Variants in TRIQK observed in about 807,000 individuals in gnomAD.
TRIQK encodes triple QxxK/R motif containing.
A neutral mutation model predicts 10.8 loss-of-function variants in TRIQK; 10 were observed. The observed-to-expected ratio is 0.92, with a 90% confidence interval of 0.57 to 1.57. The LOEUF (loss-of-function observed/expected upper bound fraction) is 1.57, where lower values mean the gene tolerates loss of function less well. TRIQK is among the 40% of genes most tolerant of loss of function. The pLI is 0.00. For synonymous variants in TRIQK, 33 were observed against 33.7 expected, an observed-to-expected ratio of 0.98 and a Z score of 0.07; for missense variants, 107 against 97.7, an observed-to-expected ratio of 1.09 and a Z score of -0.40.
intron 3 of TRIQK, among the ~76,000 whole-genome samples, chr8:92,896,807 T>A (rs1808623808): frequency 6.6e-6 from 1 of 151,880 alleles, no homozygotes; most frequent in African/African-American, 2.4e-5. Context: ...AACATTGCAT[T>A]TTCTTTTTCT....
chr8:92,981,126 A>G (rs1481321648), intron 1 of TRIQK, among the ~76,000 whole-genome samples: 1 of 151,602 alleles, frequency 6.6e-6, no homozygotes, highest in Non-Finnish European at 1.5e-5. Flanking sequence ...CATCTTCTTT[A>G]CTTGATAGTT....
chr8:92,969,036 A>C (rs1812847352), upstream of TRIQK, among the ~76,000 whole-genome samples: 1 of 152,198 alleles, frequency 6.6e-6, no homozygotes, highest in South Asian at 2.1e-4. Context: ...CAGTTTTCCC[A>C]ACACCATTTA....
chr8:92,953,270 TTCATTGA>T (rs1812000338), intron 2 of TRIQK: 1 of 152,044 alleles, frequency 6.6e-6, no homozygotes, highest in Non-Finnish European at 1.5e-5. Context: ...ATTTTCTGGA[TTCATTGA>T]TCATTCATAT....
chr8:92,960,319 T>C (rs1286824520), intron 1 of TRIQK, among the ~76,000 whole-genome samples: 1 of 152,142 alleles, frequency 6.6e-6, no homozygotes, highest in Non-Finnish European at 1.5e-5. Flanking sequence ...GATTTCCAAT[T>C]TTTTAACTAA....
intron 1 of TRIQK, among the ~76,000 whole-genome samples, chr8:92,996,297 A>G (rs889475356): frequency 6.6e-6 from 1 of 152,086 alleles, no homozygotes; most frequent in South Asian, 2.1e-4. Flanking sequence ...TGGTCTCTCA[A>G]TTGTACTTTT....
chr8:92,922,513 T>G (rs907024747), intron 2 of TRIQK: 3 of 151,850 alleles, frequency 2.0e-5, no homozygotes, highest in Non-Finnish European at 4.4e-5. Context: ...TGGTTACTCA[T>G]TATGCTTCCC....
chr8:92,981,135 T>G (rs1340025393), intron 1 of TRIQK, among the ~76,000 whole-genome samples: 1 of 151,792 alleles, frequency 6.6e-6, no homozygotes, highest in Non-Finnish European at 1.5e-5. Flanking sequence ...TACTTGATAG[T>G]TTTATAGGTT....
chr8:92,972,967 T>C (rs955957760), intron 1 of TRIQK: 1 of 152,236 alleles, frequency 6.6e-6, no homozygotes, highest in Non-Finnish European at 1.5e-5. Flanking sequence ...AGAAGAGATA[T>C]TCACAGTAAG....
At chr8:92,946,667 A>G (rs1207242994) in intron 2 of TRIQK, among the ~76,000 whole-genome samples, 3 of 151,848 alleles carry the variant, frequency 2.0e-5, no homozygotes, top group African/African-American at 4.8e-5. Context: ...ATTTTTTCAC[A>G]TTACTAGCCA....
At chr8:92,935,303 C>A (rs958998003) in intron 2 of TRIQK, among the ~76,000 whole-genome samples, 7 of 151,654 alleles carry the variant, frequency 4.6e-5, no homozygotes, top group Non-Finnish European at 8.9e-5. Flanking sequence ...TTGTGAACTA[C>A]AAATATTAAA....
At chr8:92,898,098 T>A (rs549499845) in intron 3 of TRIQK, among the ~76,000 whole-genome samples, 1 of 152,302 alleles carries the variant, frequency 6.6e-6, no homozygotes, top group African/African-American at 2.4e-5. Flanking sequence ...CCACTAGTAA[T>A]GATGCTTCAG....
chr8:93,011,510 C>T (rs1813334866), intron 1 of TRIQK, among the ~76,000 whole-genome samples: 1 of 152,086 alleles, frequency 6.6e-6, no homozygotes, highest in South Asian at 2.1e-4. Context: ...TTAGCTTACA[C>T]ACAACTTATT....
intron 2 of TRIQK, among the ~76,000 whole-genome samples, chr8:92,923,916 T>A (rs547646561): frequency 8.5e-4 from 129 of 151,932 alleles, no homozygotes; most frequent in African/African-American, 3.1e-3. Context: ...AGTAAAGAAA[T>A]AAGAAATCTG....
At chr8:92,912,877 T>G (rs2063631010) in intron 3 of TRIQK, among the ~76,000 whole-genome samples, 2 of 151,738 alleles carry the variant, frequency 1.3e-5, no homozygotes, top group Admixed American at 1.3e-4. Context: ...TGACTTCAAT[T>G]CTATGAAACA....
chr8:92,974,442 C>G (rs929817103), intron 1 of TRIQK: 2 of 152,302 alleles, frequency 1.3e-5, no homozygotes, highest in Non-Finnish European at 2.9e-5. Flanking sequence ...CAACACACAA[C>G]CACGATTTGT....
At chr8:92,955,315 T>C (rs1370642681) in intron 1 of TRIQK, among the ~76,000 whole-genome samples, 1 of 151,840 alleles carries the variant, frequency 6.6e-6, no homozygotes, top group African/African-American at 2.4e-5. Flanking sequence ...TTTTAAATAG[T>C]GTTAACAATA....
intron 2 of TRIQK, 57 bp from the exon 3 acceptor site, chr8:92,917,067 C>T: frequency 9.4e-7 from 1 of 1,058,542 alleles, no homozygotes; most frequent in Non-Finnish European, 1.3e-6. Flanking sequence ...CTATAAAATC[C>T]AGAAATAGTT....
At chr8:92,947,587 GAAAAAAAAAAAAA>G (rs35808197) in intron 2 of TRIQK, among the ~76,000 whole-genome samples, 1 of 61,440 alleles carries the variant, frequency 1.6e-5, no homozygotes, top group African/African-American at 6.4e-5. Context: ...TCCGCCTCAG[GAAAAAAAAAAAAA>G]AAAAAAAAAA....
chr8:92,992,136 ACT>A (rs1813102458), intron 1 of TRIQK, among the ~76,000 whole-genome samples: 1 of 151,956 alleles, frequency 6.6e-6, no homozygotes, highest in South Asian at 2.1e-4. Context: ...GAGGCATGAA[ACT>A]CTGCTTGTAC....
Sources: allele counts gnomAD v4.1 joint callset (sites outside exome capture counted in the v4.1 genomes callset), GRCh38; gene constraint gnomAD v4.1.1; transcripts MANE v1.5; gene names NCBI Gene and HGNC (gene_info 2026-07-23, HGNC 2026-07-21).